Variants in PSMD1 observed in about 807,000 individuals in gnomAD.
PSMD1 encodes proteasome 26S subunit, non-ATPase 1.
Under a neutral mutation model 119.0 loss-of-function variants are expected in PSMD1, and 18 were observed. The ratio of observed to expected loss-of-function variants is 0.15; its 90% CI spans 0.10 to 0.22. The LOEUF (loss-of-function observed/expected upper bound fraction) is 0.22. PSMD1 is among the 10% of genes least tolerant of loss of function. The pLI is 1.00. For missense variants in PSMD1, 702 were observed against 1,158.5 expected (o/e 0.61, Z 5.72); for synonymous variants, 374 against 396.6 (o/e 0.94, Z 0.68).
intron 13 of PSMD1, 58 bp from the exon 14 acceptor site, chr2:231,083,509 T>C (rs1396354894): frequency 2.6e-6 from 4 of 1,558,428 alleles, no homozygotes; most frequent in Non-Finnish European, 3.5e-6. Flanking sequence ...TTCAGTTGGA[T>C]GTTTTACTGA....
chr2:231,135,243 A>G (rs533700434), intron 16 of PSMD1, among the ~76,000 whole-genome samples: 1 of 152,316 alleles, frequency 6.6e-6, no homozygotes, highest in African/African-American at 2.4e-5. Context: ...GTGTAATATC[A>G]TTTTAAATTT....
chr2:231,159,717 C>T (rs1696589667), intron 19 of PSMD1, among the ~76,000 whole-genome samples: 1 of 152,190 alleles, frequency 6.6e-6, no homozygotes, highest in South Asian at 2.1e-4. Context: ...GGCTTTCAAA[C>T]TTTATCTGCA....
At position 231,083,780 on chromosome 2, in the gene PSMD1, C is replaced by G; in HGVS notation, c.1722+17C>G. ...CGTGACAAGGTGAGATCACATACGTCCCTCACTGTCCATTTATCTCCAGCA... is the reference window on the plus strand; with the variant it reads ...CGTGACAAGGTGAGATCACATACGTGCCTCACTGTCCATTTATCTCCAGCA... On this transcript the variant is annotated intron_variant, in intron 14 of 24. Transcript: ENST00000308696. 6.2e-7 allele frequency: 1 copy of G among 1,611,502 alleles called. No homozygotes were observed. The highest frequency in any genetic ancestry group is 1.1e-5 in the South Asian group (1 of 90,906).
intron 24 of PSMD1, among the ~76,000 whole-genome samples, chr2:231,171,252 T>G (rs1184920293): frequency 6.6e-6 from 1 of 152,216 alleles, no homozygotes; most frequent in Non-Finnish European, 1.5e-5. Flanking sequence ...ATTCATTCAT[T>G]CTATGATGGT....
chr2:231,100,355 C>A (rs1694833758), intron 16 of PSMD1, among the ~76,000 whole-genome samples: 1 of 152,194 alleles, frequency 6.6e-6, no homozygotes, highest in East Asian at 1.9e-4. Context: ...GCTGCTGTGT[C>A]ATTCCCCTGT....
intron 18 of PSMD1, among the ~76,000 whole-genome samples, chr2:231,146,862 T>A (rs1267338742): frequency 6.6e-6 from 1 of 152,240 alleles, no homozygotes; most frequent in African/African-American, 2.4e-5. Flanking sequence ...GCGATCTTTT[T>A]GGGTGGAGTT....
At chr2:231,060,310 A>G (rs1282844781) in intron 1 of PSMD1, 1 of 152,176 alleles carries the variant, frequency 6.6e-6, no homozygotes, top group Non-Finnish European at 1.5e-5. Context: ...GTGGCTTCCT[A>G]AAGATTGCTT....
intron 16 of PSMD1, among the ~76,000 whole-genome samples, chr2:231,088,829 G>A (rs1364370235): frequency 6.6e-6 from 1 of 152,168 alleles, no homozygotes; most frequent in East Asian, 1.9e-4. Context: ...AAATGATAAA[G>A]CTTAGTGAGG....
intron 19 of PSMD1, 54 bp from the exon 20 acceptor site, chr2:231,161,286 C>T: frequency 2.3e-6 from 3 of 1,300,970 alleles, no homozygotes; most frequent in Admixed American, 2.3e-5. Context: ...TATTGTCCTA[C>T]TATAATAATA....
chr2:231,082,617 A>G (rs112043610), intron 12 of PSMD1, among the ~76,000 whole-genome samples: 4 of 152,332 alleles, frequency 2.6e-5, no homozygotes, highest in African/African-American at 9.6e-5. Flanking sequence ...AGGCAGGAGA[A>G]TCACTTGAAC....
In PSMD1 at chr2:231,170,542, T is replaced by G; in HGVS notation, c.2716-24T>G. The G allele has an allele frequency of 6.3e-7, 1 of 1,597,542 alleles. No homozygotes were observed. The highest frequency in any genetic ancestry group is 8.5e-7 in the Non-Finnish European group (1 of 1,173,308). ...GCACGCTTGAAATATGAGTGTACGC[T>G]TCTGCACGCCCCTGTGTTTCCAGCT... On this transcript the variant is annotated intron_variant, in intron 23 of 24. Coordinates refer to ENST00000308696, the MANE Select transcript of PSMD1 (RefSeq NM_002807.4). The surrounding 1 kb of genome is among the most constrained non-coding windows in gnomAD (Gnocchi z 4.1).
chr2:231,060,389 T>C (rs1693726378), intron 1 of PSMD1: 1 of 152,252 alleles, frequency 6.6e-6, no homozygotes, highest in Admixed American at 6.5e-5. Flanking sequence ...CTTGACACTT[T>C]TTAATCAAAC....
At chr2:231,134,039 G>A (rs749122122) in intron 16 of PSMD1, among the ~76,000 whole-genome samples, 10 of 152,096 alleles carry the variant, frequency 6.6e-5, no homozygotes, top group Admixed American at 3.3e-4. Context: ...TTTGGTGTGC[G>A]TTTCATTTTT....
rs1021141473 is a variant in PSMD1, at chr2:231,104,965, G to A, written c.1883+17784G>A. Among the ~76,000 whole-genome samples the A allele has an allele frequency of 5.3e-5, 8 of 152,116 alleles. No individual in the cohort carries two copies. In the East Asian group the frequency reaches 1.5e-3, roughly 29 times the overall value. On this transcript the variant is annotated intron_variant, in intron 16 of 24. Transcript: ENST00000308696. ...TTGTGGACATTTGGTCTTATACCAT[G>A]TTTTAAGAGTTTATTTCTTCATAAT...
chr2:231,141,583 A>ATTTT (rs113740529), intron 17 of PSMD1, among the ~76,000 whole-genome samples: 6 of 142,828 alleles, frequency 4.2e-5, no homozygotes, highest in Non-Finnish European at 4.6e-5. Context: ...TGCCAGGCTA[A>ATTTT]TTTTTTTTTT....
chr2:231,088,108 T>C (rs755328707), intron 16 of PSMD1, among the ~76,000 whole-genome samples: 74 of 152,172 alleles, frequency 4.9e-4, no homozygotes, highest in Non-Finnish European at 1.0e-4. Context: ...ATAATCATAA[T>C]ACCCATCTGA....
intron 6 of PSMD1, among the ~76,000 whole-genome samples, chr2:231,070,699 TC>T (rs1236132467): frequency 5.3e-5 from 8 of 152,114 alleles, no homozygotes; most frequent in Non-Finnish European, 4.4e-5. Flanking sequence ...TTGGGCTTTT[TC>T]CCAAAGGTAA....
At chr2:231,155,422 A>G (rs982900713) in intron 19 of PSMD1, among the ~76,000 whole-genome samples, 2 of 152,008 alleles carry the variant, frequency 1.3e-5, no homozygotes, top group African/African-American at 4.8e-5. Context: ...TGGGTTTTCT[A>G]CTTGCTGAGA....
intron 16 of PSMD1, among the ~76,000 whole-genome samples, chr2:231,114,524 A>T (rs1158325191): frequency 6.6e-6 from 1 of 152,204 alleles, no homozygotes. Context: ...ATGGCTTCAG[A>T]TTATCCGGAA....
Sources: allele counts gnomAD v4.1 joint callset (sites outside exome capture counted in the v4.1 genomes callset), GRCh38; gene constraint gnomAD v4.1.1; non-coding constraint Gnocchi (gnomAD v3.1); transcripts MANE v1.5; gene names NCBI Gene and HGNC (gene_info 2026-07-23, HGNC 2026-07-21).